ZFHX3: variants seen among roughly 807,000 people sequenced by gnomAD.
ZFHX3 encodes zinc finger homeobox protein 3.
ZFHX3 carries 42 observed loss-of-function variants against 279.1 expected under a neutral mutation model. The ratio of observed to expected loss-of-function variants is 0.15; its 90% CI spans 0.12 to 0.19. ZFHX3 has a LOEUF of 0.19. ZFHX3 is among the 10% of genes least tolerant of loss of function. The pLI is 1.00. For missense variants in ZFHX3, 4,981 were observed against 4,754.0 expected, an observed-to-expected ratio of 1.05 and a Z score of -1.40; for synonymous variants, 2,293 against 1,957.8, an observed-to-expected ratio of 1.17 and a Z score of -4.52.
At chr16:73,481,701 C>T (rs548039794) in intron 2 of ZFHX3, among the ~76,000 whole-genome samples, 2 of 152,142 alleles carry the variant, frequency 1.3e-5, no homozygotes, top group South Asian at 4.1e-4. Context: ...CTATGTTGCC[C>T]GAGCTGGTCT....
chr16:73,737,544 C>G (rs532691521), intron 1 of ZFHX3, among the ~76,000 whole-genome samples: 1 of 152,076 alleles, frequency 6.6e-6, no homozygotes, highest in Non-Finnish European at 1.5e-5. Flanking sequence ...CCATGTATAA[C>G]GATTAACAAT....
At chr16:73,398,820 C>T (rs1162286346) in intron 3 of ZFHX3, among the ~76,000 whole-genome samples, 1 of 151,714 alleles carries the variant, frequency 6.6e-6, no homozygotes, top group East Asian at 2.0e-4. Context: ...CACTGTTGCT[C>T]TCTTGCCAGC....
At chr16:72,862,787 A>C (rs562507389) in intron 4 of ZFHX3, among the ~76,000 whole-genome samples, 23 of 152,244 alleles carry the variant, frequency 1.5e-4, no homozygotes, top group African/African-American at 5.1e-4. Flanking sequence ...GACTGCAGGG[A>C]TCCTACAAGA....
chr16:73,542,616 T>C (rs1440841695), intron 2 of ZFHX3, among the ~76,000 whole-genome samples: 1 of 152,190 alleles, frequency 6.6e-6, no homozygotes, highest in Non-Finnish European at 1.5e-5. Flanking sequence ...TCATTTGATA[T>C]AGCAGGAAAT....
At chr16:73,550,656 C>T (rs1345242964) in intron 2 of ZFHX3, among the ~76,000 whole-genome samples, 1 of 152,114 alleles carries the variant, frequency 6.6e-6, no homozygotes, top group African/African-American at 2.4e-5. Flanking sequence ...TTATTTCTTG[C>T]TTTGATTTTT....
At chr16:73,646,009 G>A (rs1460900637) in intron 2 of ZFHX3, among the ~76,000 whole-genome samples, 2 of 152,158 alleles carry the variant, frequency 1.3e-5, no homozygotes, top group Admixed American at 6.5e-5. Flanking sequence ...ATGACAGTCT[G>A]AAAATCGATA....
At chr16:73,734,815 C>T (rs1273769429) in intron 1 of ZFHX3, among the ~76,000 whole-genome samples, 1 of 152,178 alleles carries the variant, frequency 6.6e-6, no homozygotes, top group Middle Eastern at 3.4e-3. Flanking sequence ...AAACTTATTA[C>T]AGTATGTGAA....
chr16:73,180,902 A>G lies in ZFHX3; in HGVS notation c.-1103-37071T>C, dbSNP rs376063812. 4.1e-4 allele frequency among the ~76,000 whole-genome samples: 63 copies of G among 152,172 alleles called. No individual in the cohort carries two copies. The East Asian group carries it at 7.6e-3, about 18-fold the overall frequency. On this transcript the variant is annotated intron_variant, in intron 5 of 17. Coordinates refer to the ZFHX3 transcript ENST00000641206. Reference sequence around the variant, plus strand: ...GGTCTCAAACTTATGGCCTCAAATGATCCACCCGCCTTGGCCGCCCAAAGT... The same window carrying G: ...GGTCTCAAACTTATGGCCTCAAATGGTCCACCCGCCTTGGCCGCCCAAAGT...
intron 4 of ZFHX3, among the ~76,000 whole-genome samples, chr16:73,293,141 G>A (rs1015095432): frequency 3.9e-5 from 6 of 152,206 alleles, no homozygotes; most frequent in Non-Finnish European, 8.8e-5. Context: ...ACAGGTTTGC[G>A]TGAGGAGATG....
At chr16:73,729,476 C>A (rs1417787915) in intron 1 of ZFHX3, among the ~76,000 whole-genome samples, 2 of 152,016 alleles carry the variant, frequency 1.3e-5, no homozygotes. Context: ...CTGTAGTGAG[C>A]CGAGATTGCA....
intron 1 of ZFHX3, chr16:73,812,538 C>T (rs1208454856): frequency 5.9e-5 from 9 of 152,152 alleles, no homozygotes; most frequent in Non-Finnish European, 1.3e-4. Flanking sequence ...GCAGGGACCT[C>T]CAGTCTGCCA....
chr16:73,348,125 G>C (rs2016155400), intron 3 of ZFHX3, among the ~76,000 whole-genome samples: 1 of 151,902 alleles, frequency 6.6e-6, no homozygotes, highest in African/African-American at 2.4e-5. Flanking sequence ...CTTGAACTTG[G>C]GCAGGCCGAC....
rs146595430 is a variant in ZFHX3 at position 73,663,915 on chromosome 16, A to T, written c.-1547+16265T>A. ...CCCCACCTCAGTCTCATGCACTGAC[A>T]CATTTACAACCTACTCAAAGCCTCA... On this transcript the variant is annotated intron_variant, in intron 2 of 17. Coordinates refer to the ZFHX3 transcript ENST00000641206. Among the ~76,000 whole-genome samples, 640 of 152,310 alleles carry T rather than the reference A, an allele frequency of 4.2e-3. 5 individuals carry two copies. Among genetic ancestry groups the T allele is most frequent in the Non-Finnish European group, 6.3e-3 (431 of 68,024 alleles).
intron 3 of ZFHX3, among the ~76,000 whole-genome samples, chr16:73,344,911 G>A (rs955991442): frequency 2.0e-5 from 3 of 152,180 alleles, no homozygotes; most frequent in South Asian, 2.1e-4. Context: ...TTGAGAGTGG[G>A]CAACTGCTAC....
intron 5 of ZFHX3, among the ~76,000 whole-genome samples, chr16:72,825,605 A>G (rs2036910858): frequency 1.3e-5 from 2 of 152,162 alleles, no homozygotes; most frequent in Non-Finnish European, 1.5e-5. Context: ...TGTACCTGTG[A>G]GCAATTCATG....
intron 3 of ZFHX3, among the ~76,000 whole-genome samples, chr16:72,923,323 T>C (rs750295478): frequency 2.6e-5 from 4 of 151,988 alleles, no homozygotes; most frequent in Middle Eastern, 3.4e-3. Flanking sequence ...TGCATGCCTA[T>C]AGTTCCAGCT....
chr16:73,731,134 T>C (rs1438956704), intron 1 of ZFHX3, among the ~76,000 whole-genome samples: 1 of 152,216 alleles, frequency 6.6e-6, no homozygotes, highest in African/African-American at 2.4e-5. Context: ...GCGCTCTGTA[T>C]TTTTTTGTTT....
chr16:73,249,381 G>C (rs1034904334), intron 5 of ZFHX3, among the ~76,000 whole-genome samples: 1 of 152,196 alleles, frequency 6.6e-6, no homozygotes, highest in Non-Finnish European at 1.5e-5. Flanking sequence ...ATAAGAAAAA[G>C]AGGTTTAACA....
Position 73,223,400 on chromosome 16 carries a change from C to T in ZFHX3, c.-1104+33647G>A, listed in dbSNP as rs368445567. On this transcript the variant is annotated intron_variant, in intron 5 of 17. Coordinates refer to the ZFHX3 transcript ENST00000641206. ...AGGAAACAACAGTCTAATTAGAAAA[C>T]GGGCTAAAGACCTTAACAGACGCCT... 5.5e-4 allele frequency among the ~76,000 whole-genome samples: 83 copies of T among 152,148 alleles called. No individual in the cohort carries two copies. The South Asian group carries it at 0.016, about 29-fold the overall frequency.
Sources: gnomAD v4.1 joint callset for allele counts (sites outside exome capture counted in the v4.1 genomes callset) on GRCh38, gnomAD v4.1.1 for gene constraint, MANE v1.5 for transcripts, NCBI Gene and HGNC (gene_info 2026-07-23, HGNC 2026-07-21) for gene names.